HYDIN: variants seen among roughly 807,000 people sequenced by gnomAD.
HYDIN encodes axonemal central pair apparatus protein HYDIN.
A neutral mutation model predicts 403.9 loss-of-function variants in HYDIN; 132 were observed. That is an observed-to-expected ratio of 0.33 (90% CI 0.28 to 0.38). The LOEUF (loss-of-function observed/expected upper bound fraction) is 0.38. Among genes scored for constraint, HYDIN ranks in the 10% least tolerant of loss-of-function variants. HYDIN has a pLI of 1.00. For synonymous variants in HYDIN, 1,202 were observed against 1,891.7 expected (o/e 0.64, Z 9.46); for missense variants, 2,827 against 5,009.5 (o/e 0.56, Z 13.15).
chr16:71,039,138 AC>A (rs2081199475), intron 18 of HYDIN, among the ~76,000 whole-genome samples: 1 of 151,652 alleles, frequency 6.6e-6, no homozygotes, highest in African/African-American at 2.4e-5. Context: ...CTGGTAGTCA[AC>A]TATGGACTCT....
intron 22 of HYDIN, among the ~76,000 whole-genome samples, chr16:71,019,949 T>A (rs1185349427): frequency 1.3e-5 from 2 of 152,278 alleles, no homozygotes; most frequent in East Asian, 3.8e-4. Flanking sequence ...CAAATCCTGG[T>A]TCTGCCACTT....
intron 25 of HYDIN, among the ~76,000 whole-genome samples, chr16:70,990,453 A>G (rs2079313654): frequency 7.1e-6 from 1 of 141,678 alleles, no homozygotes. Flanking sequence ...TGCTCAGTTA[A>G]GTGTTGGTTG....
chr16:71,041,922 T>C lies in HYDIN; in HGVS notation c.2530-10005A>G, dbSNP rs1240912238. Among the ~76,000 whole-genome samples, 5 of 152,276 alleles carry C rather than the reference T, an allele frequency of 3.3e-5. No homozygotes were observed. The East Asian group carries it at 7.7e-4, about 23-fold the overall frequency. ...GCAGTCTCATTCCCACTTTGTTTCT[T>C]AGAAGCTTTTAAAAAAATAAATAAT... On this transcript the variant is annotated intron_variant, in intron 18 of 85. Transcript: ENST00000393567.
chr16:70,922,518 G>T (rs147590086), intron 45 of HYDIN, among the ~76,000 whole-genome samples: 2,910 of 152,220 alleles, frequency 0.019, 44 homozygotes, highest in Middle Eastern at 0.082. Flanking sequence ...ACACAGCAAG[G>T]CTCCACAGAT....
At chr16:71,189,723 C>T (rs1259678486) in intron 1 of HYDIN, among the ~76,000 whole-genome samples, 2 of 149,256 alleles carry the variant, frequency 1.3e-5, no homozygotes, top group South Asian at 2.1e-4. Context: ...GCCGTGATGG[C>T]GCCACTACAC....
chr16:70,861,870 C>T (rs978823255), intron 69 of HYDIN, among the ~76,000 whole-genome samples, 178 bp downstream of exon 69: 3 of 79,780 alleles, frequency 3.8e-5, no homozygotes, highest in African/African-American at 5.2e-5. Context: ...ACCATATTCT[C>T]CTTGTTCTCT....
At chr16:71,060,118 T>C (rs2082031388) in intron 18 of HYDIN, among the ~76,000 whole-genome samples, 1 of 151,666 alleles carries the variant, frequency 6.6e-6, no homozygotes, top group African/African-American at 2.4e-5. Flanking sequence ...AAAGTGTTTT[T>C]TTGAGGGCTG....
chr16:70,883,971 C>A lies in HYDIN; in HGVS notation c.9928G>T (p.Val3310Phe). The A allele has an allele frequency of 6.2e-7, 1 of 1,614,154 alleles. No individual in the cohort carries two copies. The highest frequency in any genetic ancestry group is 8.5e-7 in the Non-Finnish European group (1 of 1,180,048). ...AIDISGRDPA[V>F]HPAGILYTLL... ...GTGTAAAGAATGCCGGCAGGGTGGA[C>A]TGCAGGGTCTCGGCCGGAGATATCG... is the stretch of plus-strand genomic sequence containing the variant. Residue 3310 changes from valine (V) to phenylalanine (F), a missense_variant, in exon 59 of 86, where the codon GTC becomes TTC. Val to Phe is a conservative substitution (Grantham distance 50). Coordinates refer to ENST00000393567, the MANE Select transcript of HYDIN (RefSeq NM_001270974.2).
At chr16:71,017,338 G>A (rs1442880377) in intron 23 of HYDIN, among the ~76,000 whole-genome samples, 9 of 126,142 alleles carry the variant, frequency 7.1e-5, no homozygotes, top group Non-Finnish European at 1.4e-4. Flanking sequence ...CGACAAGAGC[G>A]AAACTCTGTC....
At chr16:71,064,609 T>C (rs2082193358) in intron 16 of HYDIN, 96 bp downstream of exon 16, 1 of 1,074,476 alleles carries the variant, frequency 9.3e-7, no homozygotes, top group Non-Finnish European at 1.3e-6. Context: ...TAAGGTCATG[T>C]GTTCAGGAAT....
chr16:70,877,634 A>G (rs2040529405), intron 62 of HYDIN, among the ~76,000 whole-genome samples: 1 of 152,154 alleles, frequency 6.6e-6, no homozygotes, highest in Non-Finnish European at 1.5e-5. Flanking sequence ...TGCAGTTCAA[A>G]ATAGGGTTTG....
chr16:70,925,342 A>C (rs188364243), intron 45 of HYDIN, among the ~76,000 whole-genome samples: 216 of 152,354 alleles, frequency 1.4e-3, no homozygotes, highest in African/African-American at 4.9e-3. Flanking sequence ...ATCTTTCTAC[A>C]TATGGCTAGC....
At chr16:71,009,460 T>C in intron 23 of HYDIN, among the ~76,000 whole-genome samples, 1 of 151,014 alleles carries the variant, frequency 6.6e-6, no homozygotes, top group South Asian at 2.1e-4. Flanking sequence ...TGGTCATTAA[T>C]AGAGGATCCA....
At chr16:70,880,358 C>T (rs576330360) in intron 60 of HYDIN, among the ~76,000 whole-genome samples, 2 of 143,618 alleles carry the variant, frequency 1.4e-5, no homozygotes, top group Non-Finnish European at 3.0e-5. Flanking sequence ...CGTGCCGGGC[C>T]GGTGCTGGTT....
At chr16:71,206,627 C>G (rs148817695) in intron 1 of HYDIN, among the ~76,000 whole-genome samples, 4 of 152,258 alleles carry the variant, frequency 2.6e-5, no homozygotes, top group African/African-American at 9.6e-5. Flanking sequence ...AAACTAAGAT[C>G]ATCAAGATTC....
chr16:71,216,169 T>C (rs2088870972), intron 1 of HYDIN, among the ~76,000 whole-genome samples: 1 of 152,204 alleles, frequency 6.6e-6, no homozygotes, highest in Non-Finnish European at 1.5e-5. Flanking sequence ...TGAGTAAGAC[T>C]GTTCATAGCA....
At chr16:70,927,669 C>T (rs1353109762) in intron 45 of HYDIN, among the ~76,000 whole-genome samples, 1 of 152,250 alleles carries the variant, frequency 6.6e-6, no homozygotes, top group Non-Finnish European at 1.5e-5. Flanking sequence ...TGAATACTTT[C>T]CTGGGCAAAG....
chr16:71,088,945 G>A (rs1473035553), intron 11 of HYDIN, among the ~76,000 whole-genome samples: 1 of 91,216 alleles, frequency 1.1e-5, no homozygotes, highest in Non-Finnish European at 2.1e-5. Context: ...ATAGCAGAGT[G>A]AGAATTACCT....
chr16:70,989,699 T>A (rs2079283567), intron 25 of HYDIN, among the ~76,000 whole-genome samples: 1 of 152,122 alleles, frequency 6.6e-6, no homozygotes, highest in Non-Finnish European at 1.5e-5. Context: ...GGATATATGG[T>A]AAAAAGATAA....
Sources: gnomAD v4.1 joint callset for allele counts (sites outside exome capture counted in the v4.1 genomes callset) on GRCh38, gnomAD v4.1.1 for gene constraint, MANE v1.5 for transcripts, NCBI Gene and HGNC (gene_info 2026-07-23, HGNC 2026-07-21) for gene names.